The following LRRK2 variants were observed in gnomAD, a reference collection of about 807,000 sequenced individuals.
LRRK2 encodes leucine-rich repeat serine/threonine-protein kinase 2.
Under a neutral mutation model 302.6 loss-of-function variants are expected in LRRK2, and 203 were observed. The ratio of observed to expected loss-of-function variants is 0.67; its 90% CI spans 0.60 to 0.75. LRRK2 has a LOEUF of 0.75. Ranked by LOEUF, LRRK2 falls within the 30% of genes least tolerant of loss-of-function variation. The pLI, the probability that LRRK2 is intolerant of heterozygous loss-of-function variation, is 0.00. For synonymous variants in LRRK2, 1,066 were observed against 1,031.9 expected (o/e 1.03, Z -0.63); for missense variants, 2,830 against 2,951.0 (o/e 0.96, Z 0.95).
Position 40,263,898 on chromosome 12 carries a change from C to T in LRRK2, c.1653C>T (p.Asn551=). The T allele has an allele frequency of 1.3e-6, 2 of 1,598,362 alleles. No homozygotes were observed. The highest frequency in any genetic ancestry group is 2.2e-5 in the East Asian group (1 of 44,700). The change falls in exon 14 of 51, where the codon AAC becomes AAT. Residue 551 remains asparagine (N), a synonymous_variant. Coordinates refer to ENST00000298910, the MANE Select transcript of LRRK2 (RefSeq NM_198578.4). ...ACAAACTGGTCCTAGCAGCTTTGAA[C>T]AGGGTATGTTGAATATAAGTTTTCT... The part of the protein sequence containing the change: ...DIHKLVLAAL[N]RFIGNPGIQK...
chr12:40,290,936 TA>T (rs2136691602), intron 20 of LRRK2, among the ~76,000 whole-genome samples: 1 of 152,246 alleles, frequency 6.6e-6, no homozygotes, highest in South Asian at 2.1e-4. Context: ...AACATTTATT[TA>T]AGGCTGTATA....
intron 19 of LRRK2, chr12:40,286,207 G>C (rs1943920468): frequency 6.6e-6 from 1 of 151,984 alleles, no homozygotes; most frequent in Admixed American, 6.6e-5. Flanking sequence ...CTGGCAGCTG[G>C]TCTGAGTAAA....
chr12:40,335,156 A>C lies in LRRK2; in HGVS notation c.5947A>C (p.Arg1983=). Residue 1983 remains arginine (R), a splice_region_variant and synonymous_variant, in exon 40 of 51, where the codon AGA becomes CGA. Transcript: ENST00000298910. ...RIALHVADGL[R]YLHSAMIIYR... ...TGCACTCCACGTAGCTGATGGTTTG[A>C]GGTAAGTAGGTCATGTTGTTTTCTA... 6.2e-7 allele frequency: 1 copy of C among 1,614,000 alleles called. No homozygotes were observed.
intron 46 of LRRK2, 45 bp from the exon 47 acceptor site, chr12:40,359,214 TG>T: frequency 6.6e-7 from 1 of 1,520,204 alleles, no homozygotes; most frequent in Non-Finnish European, 9.0e-7. Context: ...TTTTGTTCTG[TG>T]GATACTCAAT....
chr12:40,297,370 C>CTTTG (rs746378963), intron 23 of LRRK2, among the ~76,000 whole-genome samples: 3 of 152,120 alleles, frequency 2.0e-5, no homozygotes, highest in African/African-American at 7.2e-5. Context: ...TTAGATGGCA[C>CTTTG]TTTGTTTGTT....
intron 2 of LRRK2, among the ~76,000 whole-genome samples, chr12:40,229,530 A>G (rs1011350971): frequency 1.3e-5 from 2 of 152,116 alleles, no homozygotes; most frequent in Non-Finnish European, 2.9e-5. Context: ...TAAATTTTAC[A>G]TCTCTTTATT....
chr12:40,342,462 G>C (rs2136961080), intron 41 of LRRK2, among the ~76,000 whole-genome samples: 1 of 142,644 alleles, frequency 7.0e-6, no homozygotes, highest in African/African-American at 2.6e-5. Context: ...CTCACAGGCT[G>C]CTTAGTACTT....
intron 18 of LRRK2, among the ~76,000 whole-genome samples, chr12:40,282,667 C>CAG (rs1943758068): frequency 6.6e-6 from 1 of 152,124 alleles, no homozygotes; most frequent in African/African-American, 2.4e-5. Flanking sequence ...GTGACTTGAT[C>CAG]AGAGCTCTGT....
rs373254349 is a variant in LRRK2, at chr12:40,243,646, A to C, written c.803A>C (p.Glu268Ala). The change falls in exon 7 of 51, where the codon GAA becomes GCA. Residue 268 changes from glutamate to alanine, a missense_variant. Glu to Ala is a moderately radical substitution (Grantham distance 107, BLOSUM62 -1). Coordinates refer to ENST00000298910, the MANE Select transcript of LRRK2 (RefSeq NM_198578.4). ...TTCCCTATGAGTGAAAGAATTCAAG[A>C]AGTGAGTTGCTGTTTGCTCCATAGG... ...KAFPMSERIQ[E>A]VSCCLLHRLT... 8.1e-6 allele frequency: 13 copies of C among 1,611,926 alleles called. No individual in the cohort carries two copies. In the African/African-American group the frequency reaches 1.6e-4, roughly 20 times the overall value.
At chr12:40,315,178 C>T (rs200772014) in intron 32 of LRRK2, 34 bp from the exon 33 acceptor site, 8 of 1,527,976 alleles carry the variant, frequency 5.2e-6, no homozygotes, top group Non-Finnish European at 5.4e-6. Flanking sequence ...GTTCTAGATT[C>T]CATGTTTCAC....
Position 40,340,358 on chromosome 12 carries a change from CTG to C in LRRK2, c.6015_6016del (p.Tyr2006SerfsTer11). The C allele has an allele frequency of 6.2e-7, 1 of 1,613,786 alleles. No individual in the cohort carries two copies. On this transcript the variant is annotated frameshift_variant, in exon 41 of 51. Coordinates refer to ENST00000298910, the MANE Select transcript of LRRK2 (RefSeq NM_198578.4). LOFTEE classifies it high-confidence loss of function. ...ACCCCACAATGTGCTGCTTTTCACA[CTG>C]TATCCCAATGCTGCCATCATTGCAA... Reference protein sequence around the residue: ...LKPHNVLLFTLYPNAAIIAKI... With the variant: ...LKPHNVLLFTXYPNAAIIAKI...
At chr12:40,347,889 G>T (rs893474641) in intron 42 of LRRK2, among the ~76,000 whole-genome samples, 2 of 151,988 alleles carry the variant, frequency 1.3e-5, no homozygotes, top group African/African-American at 4.8e-5. Context: ...CTTGAACCTG[G>T]GAGGTTGCAG....
At chr12:40,339,689 CAGA>C (rs1274980800) in intron 40 of LRRK2, among the ~76,000 whole-genome samples, 1 of 151,992 alleles carries the variant, frequency 6.6e-6, no homozygotes, top group Non-Finnish European at 1.5e-5. Flanking sequence ...TATACTCAAA[CAGA>C]AGAAGAGACT....
chr12:40,339,808 T>C (rs561665098), intron 40 of LRRK2, among the ~76,000 whole-genome samples: 31 of 152,288 alleles, frequency 2.0e-4, no homozygotes, highest in African/African-American at 7.2e-4. Context: ...ATATCAATGA[T>C]AAATAGAATA....
At chr12:40,347,165 G>A (rs1946212795) in intron 42 of LRRK2, among the ~76,000 whole-genome samples, 1 of 152,154 alleles carries the variant, frequency 6.6e-6, no homozygotes. Context: ...TAGAAACATA[G>A]AGAAGGAAAT....
intron 14 of LRRK2, among the ~76,000 whole-genome samples, chr12:40,264,444 C>A (rs954949157): frequency 6.6e-6 from 1 of 152,092 alleles, no homozygotes; most frequent in Non-Finnish European, 1.5e-5. Context: ...CATGGTGAAA[C>A]CCTGTCTCTA....
chr12:40,257,510 A>G lies in LRRK2; in HGVS notation c.1418+133A>G. The G allele has an allele frequency of 5.7e-6, 6 of 1,052,326 alleles. No individual in the cohort carries two copies. The South Asian group carries it at 8.3e-5, about 15-fold the overall frequency. 65.2% of individuals were successfully genotyped at this position (1,052,326 alleles called of 1,614,324 possible). ...CACTTGAAAACTGAAGCATTTTGCA[A>G]TGTAATCTCGTGTCACTAGTACCAT... On this transcript the variant is annotated intron_variant, in intron 12 of 50. Transcript: ENST00000298910.
intron 8 of LRRK2, among the ~76,000 whole-genome samples, chr12:40,250,713 G>A (rs1942226249): frequency 6.6e-6 from 1 of 152,160 alleles, no homozygotes; most frequent in East Asian, 1.9e-4. Context: ...CTGTGTTCAT[G>A]TGTTCTCATT....
intron 47 of LRRK2, among the ~76,000 whole-genome samples, chr12:40,360,613 A>G (rs1278841335): frequency 6.6e-6 from 1 of 152,094 alleles, no homozygotes; most frequent in Non-Finnish European, 1.5e-5. Context: ...AATGTACATC[A>G]ATCTGATGCA....
Sources: allele counts gnomAD v4.1 joint callset (sites outside exome capture counted in the v4.1 genomes callset), GRCh38; gene constraint gnomAD v4.1.1; transcripts MANE v1.5; gene names NCBI Gene and HGNC (gene_info 2026-07-23, HGNC 2026-07-21).